The following ADD3 variants were observed in gnomAD, a reference collection of about 807,000 sequenced individuals.
ADD3 encodes adducin 3.
ADD3 carries 25 observed loss-of-function variants against 80.2 expected under a neutral mutation model. That is an observed-to-expected ratio of 0.31 (90% confidence interval 0.23 to 0.44). ADD3 has a LOEUF of 0.44. ADD3 is among the 20% of genes least tolerant of loss of function. ADD3 has a pLI of 1.00. For synonymous variants in ADD3, 284 were observed against 289.6 expected, an observed-to-expected ratio of 0.98 and a Z score of 0.20; for missense variants, 829 against 847.5, an observed-to-expected ratio of 0.98 and a Z score of 0.27.
intron 1 of ADD3, among the ~76,000 whole-genome samples, chr10:110,040,763 A>G (rs2133287951): frequency 6.6e-6 from 1 of 152,328 alleles, no homozygotes; most frequent in African/African-American, 2.4e-5. Context: ...TGCCTGAACT[A>G]AATCAGTGGA....
chr10:110,097,042 T>G (rs1259131079), intron 1 of ADD3, among the ~76,000 whole-genome samples: 1 of 152,152 alleles, frequency 6.6e-6, no homozygotes, highest in Non-Finnish European at 1.5e-5. Flanking sequence ...TGTGAACACT[T>G]TGGGTTAATT....
chr10:110,122,792 AT>A (rs879838347), intron 9 of ADD3, among the ~76,000 whole-genome samples: 344 of 140,322 alleles, frequency 2.5e-3, no homozygotes, highest in Middle Eastern at 7.2e-3. Flanking sequence ...TGGCTAATTT[AT>A]TTTTTTTTTT....
upstream of ADD3, among the ~76,000 whole-genome samples, chr10:110,002,349 C>T (rs1294120385): frequency 6.6e-6 from 1 of 152,098 alleles, no homozygotes; most frequent in East Asian, 1.9e-4. Context: ...TCTTGGCTCA[C>T]TGCAAGCTCT....
At chr10:110,015,151 A>T (rs528225649) in intron 1 of ADD3, among the ~76,000 whole-genome samples, 1 of 152,288 alleles carries the variant, frequency 6.6e-6, no homozygotes, top group African/African-American at 2.4e-5. Context: ...TTTAAATTGG[A>T]GATTGCACTA....
In ADD3 at chr10:110,122,159, A is replaced by C. The variant is rs761485369; in HGVS notation, c.1010A>C (p.Asp337Ala). 5 of 1,614,118 alleles carry C rather than the reference A, an allele frequency of 3.1e-6. No homozygotes were observed. The highest frequency in any genetic ancestry group is 4.2e-6 in the Non-Finnish European group (5 of 1,179,958). ...GGAGTAGACAATCTCCATGTACTGG[A>C]CTTTCAGAAGTATAAAGCTTTCACT... ...AGGVDNLHVL[D>A]FQKYKAFTYT... The change falls in exon 9 of 15, where the codon GAC becomes GCC. Residue 337 changes from aspartate (D) to alanine (A), a missense_variant. Asp to Ala is a moderately radical substitution (Grantham distance 126, BLOSUM62 -2). Coordinates refer to ENST00000356080, the MANE Select transcript of ADD3 (RefSeq NM_016824.5).
chr10:110,084,713 T>C (rs1846487205), intron 1 of ADD3, among the ~76,000 whole-genome samples: 1 of 152,230 alleles, frequency 6.6e-6, no homozygotes, highest in Non-Finnish European at 1.5e-5. Context: ...TATTCCTCTT[T>C]TGGCTCTCAT....
At chr10:110,126,032 C>A in intron 11 of ADD3, 87 bp downstream of exon 11, 1 of 1,360,806 alleles carries the variant, frequency 7.3e-7, no homozygotes, top group Non-Finnish European at 1.0e-6. Flanking sequence ...TAATGCCAAA[C>A]TTAGAAGTTT....
rs542825413 is a variant in ADD3, at chr10:110,050,688, T to C, written c.-30+42389T>C. Among the ~76,000 whole-genome samples, 18 of 152,076 alleles carry C rather than the reference T, an allele frequency of 1.2e-4. No homozygotes were observed. In the East Asian group the frequency reaches 3.3e-3, roughly 28 times the overall value. On this transcript the variant is annotated intron_variant, in intron 1 of 14. Coordinates refer to ENST00000356080, the MANE Select transcript of ADD3 (RefSeq NM_016824.5). Reference sequence around the variant, plus strand: ...CGACCACACCAAGCTAATTTTCGTTTTTTAGTGGAGACAGGTTTCACCATG... The same window carrying C: ...CGACCACACCAAGCTAATTTTCGTTCTTTAGTGGAGACAGGTTTCACCATG...
At chr10:110,057,850 T>C (rs190441193) in intron 1 of ADD3, among the ~76,000 whole-genome samples, 12 of 152,348 alleles carry the variant, frequency 7.9e-5, no homozygotes, top group African/African-American at 2.9e-4. Flanking sequence ...AAATAATCCA[T>C]AGGAGCTAAT....
At chr10:110,126,060 G>A in intron 11 of ADD3, 115 bp downstream of exon 11, 1 of 1,105,648 alleles carries the variant, frequency 9.0e-7, no homozygotes, top group Non-Finnish European at 1.3e-6. Flanking sequence ...GAAGAATTTG[G>A]AATTTAATTC....
intron 1 of ADD3, among the ~76,000 whole-genome samples, chr10:110,023,381 C>T (rs1010960657): frequency 3.3e-5 from 5 of 152,138 alleles, no homozygotes; most frequent in Non-Finnish European, 7.4e-5. Flanking sequence ...GGCTTCAGAA[C>T]TGAGAGAAAT....
chr10:110,068,582 G>A (rs946804259), intron 1 of ADD3, among the ~76,000 whole-genome samples: 45 of 152,244 alleles, frequency 3.0e-4, no homozygotes, highest in African/African-American at 1.0e-3. Context: ...ATCCCTGATG[G>A]ATACCTAGGG....
At chr10:110,027,404 T>C (rs1483239644) in intron 1 of ADD3, among the ~76,000 whole-genome samples, 1 of 152,226 alleles carries the variant, frequency 6.6e-6, no homozygotes, top group African/African-American at 2.4e-5. Context: ...GTGAGCCATA[T>C]ATGTAATTTA....
chr10:110,023,090 T>A (rs1186512110), intron 1 of ADD3, among the ~76,000 whole-genome samples: 3 of 151,742 alleles, frequency 2.0e-5, no homozygotes, highest in African/African-American at 7.3e-5. Context: ...GGAGAGAGAG[T>A]GTGTTGGCAA....
chr10:110,103,688 C>A (rs556686719), intron 2 of ADD3, among the ~76,000 whole-genome samples: 7 of 152,214 alleles, frequency 4.6e-5, no homozygotes, highest in African/African-American at 1.7e-4. Flanking sequence ...AGAGAATTGT[C>A]CACTCTCTGG....
At chr10:110,070,452 T>TA (rs1287712505) in intron 1 of ADD3, among the ~76,000 whole-genome samples, 2 of 147,412 alleles carry the variant, frequency 1.4e-5, no homozygotes, top group Non-Finnish European at 3.0e-5. Flanking sequence ...AATATAAATT[T>TA]AAAAAATCTA....
intron 1 of ADD3, among the ~76,000 whole-genome samples, chr10:110,092,380 A>G (rs778412856): frequency 1.8e-4 from 27 of 152,240 alleles, no homozygotes; most frequent in Non-Finnish European, 3.1e-4. Context: ...TTCGAATACT[A>G]TGCAACCATA....
chr10:110,128,304 TTTC>T (rs1425253600), intron 12 of ADD3, among the ~76,000 whole-genome samples: 2 of 151,994 alleles, frequency 1.3e-5, no homozygotes, highest in Non-Finnish European at 2.9e-5. Context: ...CTCTGATTTT[TTTC>T]TTTTCTCTCC....
In ADD3 at chr10:110,087,026, A is replaced by T. The variant is rs191551113; in HGVS notation, c.-29-13599A>T. ...CCACTCGCTTTAGAAAGTGGCTTTTATTTTTTTTTTATTTTTTTGAGACTG... is the reference window on the plus strand; with the variant it reads ...CCACTCGCTTTAGAAAGTGGCTTTTTTTTTTTTTTTATTTTTTTGAGACTG... On this transcript the variant is annotated intron_variant, in intron 1 of 14. Coordinates refer to ENST00000356080, the MANE Select transcript of ADD3 (RefSeq NM_016824.5). 3.4e-3 allele frequency among the ~76,000 whole-genome samples: 508 copies of T among 149,478 alleles called. 1 individual carries two copies. The highest frequency in any genetic ancestry group is 5.6e-3 in the Admixed American group (84 of 14,978).
Sources: allele counts gnomAD v4.1 joint callset (sites outside exome capture counted in the v4.1 genomes callset), GRCh38; gene constraint gnomAD v4.1.1; transcripts MANE v1.5; gene names NCBI Gene and HGNC (gene_info 2026-07-23, HGNC 2026-07-21).